Variants in BOC observed in about 807,000 individuals in gnomAD.
The protein encoded by BOC is BOC cell adhesion associated, oncogene regulated.
BOC carries 76 observed loss-of-function variants against 112.0 expected under a neutral mutation model. The ratio of observed to expected loss-of-function variants is 0.68; its 90% CI spans 0.56 to 0.82. BOC has a LOEUF of 0.82. Ranked by LOEUF, BOC falls within the 40% of genes least tolerant of loss-of-function variation. The pLI is 0.00. For synonymous variants in BOC, 580 were observed against 599.8 expected, an observed-to-expected ratio of 0.97 and a Z score of 0.48; for missense variants, 1,309 against 1,511.7, an observed-to-expected ratio of 0.87 and a Z score of 2.22.
At position 113,284,351 on chromosome 3, in the gene BOC, G is replaced by A; in HGVS notation, c.2673G>A (p.Leu891=). Residue 891 remains leucine, a synonymous_variant, in exon 17 of 20, where the codon CTG becomes CTA. Coordinates refer to ENST00000682979, the MANE Select transcript of BOC (RefSeq NM_001378074.1). ...TCCTTCCAGAACATACAACAGACCT[G>A]GGTTTTCCTCGAAGTGCCCTTCCAC... ...AWSKQKHTTD[L]GFPRSALPPS... is the part of the protein sequence containing the mutation. 6.2e-7 allele frequency: 1 copy of A among 1,614,084 alleles called. No homozygotes were observed. Among genetic ancestry groups the A allele is most frequent in the Non-Finnish European group, 8.5e-7 (1 of 1,179,964 alleles).
Position 113,279,554 on chromosome 3 carries a change from A to C in BOC, c.2023+99A>C. The C allele has an allele frequency of 2.5e-6, 3 of 1,191,142 alleles. 1 individual carries two copies. Among genetic ancestry groups the C allele is most frequent in the Non-Finnish European group, 1.2e-6 (1 of 849,646 alleles). The allele number at this position is 1,191,142 out of a possible 1,614,324, so 73.8% of individuals were successfully genotyped here. Reference sequence around the variant, plus strand: ...GCCTGGGATCCCCTTCTCTCGGCCCAGGCCCCCACCCACCAGCATGCCTCC... The same window carrying C: ...GCCTGGGATCCCCTTCTCTCGGCCCCGGCCCCCACCCACCAGCATGCCTCC... On this transcript the variant is annotated intron_variant, in intron 12 of 19. Transcript: ENST00000682979.
intron 2 of BOC, among the ~76,000 whole-genome samples, chr3:113,219,201 C>T (rs190488078): frequency 6.6e-6 from 1 of 152,338 alleles, no homozygotes; most frequent in Admixed American, 6.5e-5. Context: ...ATGGGAGACG[C>T]AAACCTCCCG....
At chr3:113,233,148 G>GGTGGGTGT (rs1942905286) in intron 2 of BOC, among the ~76,000 whole-genome samples, 3 of 124,030 alleles carry the variant, frequency 2.4e-5, no homozygotes, top group South Asian at 3.0e-4. Flanking sequence ...AAAGGATTGG[G>GGTGGGTGT]GTGTGTGTGT....
At chr3:113,215,211 A>G (rs900127607) in intron 1 of BOC, among the ~76,000 whole-genome samples, 2 of 152,164 alleles carry the variant, frequency 1.3e-5, no homozygotes, top group Admixed American at 1.3e-4. Flanking sequence ...GTGGGATGGG[A>G]GAGGGTGTTT....
At chr3:113,270,718 C>T in intron 5 of BOC, 83 bp from the exon 6 acceptor site, 7 of 1,492,022 alleles carry the variant, frequency 4.7e-6, no homozygotes, top group Non-Finnish European at 6.3e-6. Flanking sequence ...TCCTCTCCCT[C>T]CGTGCACCTC....
chr3:113,283,311 A>G, intron 15 of BOC, 100 bp from the exon 16 acceptor site: 3 of 1,255,568 alleles, frequency 2.4e-6, no homozygotes, highest in Non-Finnish European at 2.2e-6. Context: ...GTCTGACCCC[A>G]TTTCCCAAAC....
At chr3:113,259,489 GA>G (rs1382187629) in intron 4 of BOC, among the ~76,000 whole-genome samples, 6 of 152,140 alleles carry the variant, frequency 3.9e-5, no homozygotes, top group African/African-American at 1.4e-4. Flanking sequence ...GAACAAAAAA[GA>G]AAACCAAGAG....
At position 113,232,680 on chromosome 3, in the gene BOC, G is replaced by A. The variant is rs547672999; in HGVS notation, c.-82+16406G>A. Among the ~76,000 whole-genome samples, 7 of 152,278 alleles carry A rather than the reference G, an allele frequency of 4.6e-5. No homozygotes were observed. In the South Asian group the frequency reaches 1.5e-3, roughly 32 times the overall value. On this transcript the variant is annotated intron_variant, in intron 2 of 19. Coordinates refer to ENST00000682979, the MANE Select transcript of BOC (RefSeq NM_001378074.1). ...GGCCACCCTATGAGGGAGGTATCCAGCCCCTGAGATATTGCCTCTTCTTAA... is the reference window on the plus strand; with the variant it reads ...GGCCACCCTATGAGGGAGGTATCCAACCCCTGAGATATTGCCTCTTCTTAA...
At chr3:113,258,463 G>GT (rs1232865368) in intron 4 of BOC, among the ~76,000 whole-genome samples, 2 of 152,152 alleles carry the variant, frequency 1.3e-5, no homozygotes, top group Non-Finnish European at 2.9e-5. Context: ...AACTTAGAGT[G>GT]TTTTTTCCAG....
chr3:113,228,398 A>G (rs1286114917), intron 2 of BOC, among the ~76,000 whole-genome samples: 1 of 152,122 alleles, frequency 6.6e-6, no homozygotes, highest in African/African-American at 2.4e-5. Context: ...GAAGTCAGCA[A>G]GGAGGAATAG....
At chr3:113,284,618 T>C (rs753079432) in intron 17 of BOC, 51 bp downstream of exon 17, 4 of 1,569,966 alleles carry the variant, frequency 2.5e-6, no homozygotes, top group Non-Finnish European at 2.6e-6. Flanking sequence ...CAGGAGGGAG[T>C]GGCTGGGCTG....
intron 19 of BOC, 87 bp from the exon 20 acceptor site, chr3:113,286,588 C>T: frequency 8.2e-7 from 1 of 1,212,612 alleles, no homozygotes; most frequent in South Asian, 1.9e-5. Context: ...ACCACCTCCA[C>T]CACAGATAGA....
intron 2 of BOC, among the ~76,000 whole-genome samples, chr3:113,247,808 A>C (rs1945121928): frequency 6.6e-6 from 1 of 152,154 alleles, no homozygotes; most frequent in Non-Finnish European, 1.5e-5. Context: ...GCTTTCATGA[A>C]TTTTACTTTG....
At chr3:113,260,513 C>T (rs1946700324) in intron 4 of BOC, among the ~76,000 whole-genome samples, 1 of 152,134 alleles carries the variant, frequency 6.6e-6, no homozygotes, top group Admixed American at 6.6e-5. Context: ...GTCCCCAACC[C>T]CCAGGCAGCA....
chr3:113,282,010 C>T (rs554793305), intron 15 of BOC, among the ~76,000 whole-genome samples: 3 of 152,196 alleles, frequency 2.0e-5, no homozygotes, highest in Non-Finnish European at 2.9e-5. Flanking sequence ...AGCCTTCACA[C>T]TGGTCTTCTG....
At chr3:113,212,624 T>A (rs966333105) in intron 1 of BOC, 1 of 152,300 alleles carries the variant, frequency 6.6e-6, no homozygotes, top group Non-Finnish European at 1.5e-5. Flanking sequence ...CCCTAGCTGT[T>A]GGCGCAGAGG....
chr3:113,286,758 C>T lies in BOC; in HGVS notation c.3244C>T (p.Pro1082Ser). The change falls in exon 20 of 20, where the codon CCC (proline) becomes TCC (serine). Residue 1082 changes from proline (P) to serine (S), a missense_variant. Pro to Ser is a moderately conservative substitution (Grantham distance 74, BLOSUM62 -1). Coordinates refer to ENST00000682979, the MANE Select transcript of BOC (RefSeq NM_001378074.1). ...SCQVSGGDWC[P>S]QHPVGAYVGQ... is the part of the protein sequence containing the mutation. ...CCAAGTGAGTGGAGGAGACTGGTGT[C>T]CCCAGCACCCCGTAGGGGCCTACGT... 6.2e-7 allele frequency: 1 copy of T among 1,613,800 alleles called. No individual in the cohort carries two copies. The highest frequency in any genetic ancestry group is 8.5e-7 in the Non-Finnish European group (1 of 1,179,814).
intron 4 of BOC, among the ~76,000 whole-genome samples, chr3:113,255,455 T>C (rs1946129230): frequency 6.6e-6 from 1 of 152,210 alleles, no homozygotes; most frequent in Non-Finnish European, 1.5e-5. Context: ...AGTCAACCAT[T>C]AATAATTGTT....
rs564470818 is a variant in BOC, at chr3:113,252,482, C to G, written c.376+1649C>G. Among the ~76,000 whole-genome samples the G allele has an allele frequency of 1.7e-4, 26 of 152,184 alleles. No homozygotes were observed. In the South Asian group the frequency reaches 5.0e-3, roughly 29 times the overall value. Reference sequence around the variant, plus strand: ...CCCTCTATCCAAGAAAGCTGGGGTCCTTGGGGTGGGTGAAGCTTGAGTCCT... The same window carrying G: ...CCCTCTATCCAAGAAAGCTGGGGTCGTTGGGGTGGGTGAAGCTTGAGTCCT... On this transcript the variant is annotated intron_variant, in intron 4 of 19. Transcript: ENST00000682979.
Sources: allele counts gnomAD v4.1 joint callset (sites outside exome capture counted in the v4.1 genomes callset), GRCh38; gene constraint gnomAD v4.1.1; transcripts MANE v1.5; gene names NCBI Gene and HGNC (gene_info 2026-07-23, HGNC 2026-07-21).